Variants in TUT7 observed in about 807,000 individuals in gnomAD.
The protein encoded by TUT7 is terminal uridylyltransferase 7.
A neutral mutation model predicts 165.9 loss-of-function variants in TUT7; 33 were observed. The ratio of observed to expected loss-of-function variants is 0.20; its 90% CI spans 0.15 to 0.27. The LOEUF (loss-of-function observed/expected upper bound fraction) is 0.27, where lower values mean the gene tolerates loss of function less well. TUT7 is among the 10% of genes least tolerant of loss of function. TUT7 has a pLI of 1.00. For synonymous variants in TUT7, 552 were observed against 608.1 expected, an observed-to-expected ratio of 0.91 and a Z score of 1.36; for missense variants, 1,338 against 1,762.3, an observed-to-expected ratio of 0.76 and a Z score of 4.31.
chr9:86,344,880 G>T, intron 5 of TUT7, 97 bp downstream of exon 5: 1 of 1,180,116 alleles, frequency 8.5e-7, no homozygotes, highest in Middle Eastern at 2.7e-4. Context: ...TTCATGACAT[G>T]GTAAATAAAT....
chr9:86,293,539 TA>T (rs1159913303), intron 26 of TUT7, among the ~76,000 whole-genome samples: 4 of 152,038 alleles, frequency 2.6e-5, no homozygotes, highest in Admixed American at 6.6e-5. Context: ...CAAGCAGGTG[TA>T]AAATGAAAAA....
chr9:86,309,863 GT>G, intron 19 of TUT7, 64 bp downstream of exon 19: 1 of 1,427,126 alleles, frequency 7.0e-7, no homozygotes, highest in Admixed American at 1.8e-5. Flanking sequence ...ATAGATTTAT[GT>G]TTTCAACAGT....
chr9:86,325,457 C>T lies in TUT7; in HGVS notation c.1666G>A (p.Val556Met). Residue 556 changes from valine to methionine, a missense_variant, in exon 12 of 27, where the codon GTG becomes ATG. By Grantham distance (21) the Val-to-Met change is conservative (BLOSUM62 1). Transcript: ENST00000375963. ...AAAGCATAGAACCGCAGCAATTCCA[C>T]CCAGAGCTGCCCAACTGGTACTGAA... ...QPSVPVGQLW[V>M]ELLRFYALEF... The T allele has an allele frequency of 6.2e-7, 1 of 1,614,086 alleles. No individual in the cohort carries two copies. Among genetic ancestry groups the T allele is most frequent in the Non-Finnish European group, 8.5e-7 (1 of 1,179,990 alleles).
At chr9:86,293,362 G>A (rs1312341734) in intron 26 of TUT7, among the ~76,000 whole-genome samples, 2 of 152,098 alleles carry the variant, frequency 1.3e-5, no homozygotes, top group African/African-American at 4.8e-5. Flanking sequence ...TGAGATGGGA[G>A]GATCGCTTGA....
rs576459988 is a variant in TUT7 at position 86,309,156 on chromosome 9, G to A, written c.3660+56C>T. 852 of 1,068,796 alleles carry A rather than the reference G, an allele frequency of 8.0e-4. 4 individuals are homozygous for A. The highest frequency in any genetic ancestry group is 4.0e-3 in the Middle Eastern group (20 of 4,966). 66.2% of individuals were successfully genotyped at this position (1,068,796 alleles called of 1,614,324 possible). ...ATAGTTGTTGAACATCTACACTGTA[G>A]TATAGCTAATTTTTAGTCAAGGATA... On this transcript the variant is annotated intron_variant, in intron 21 of 26. Transcript: ENST00000375963.
At position 86,293,965 on chromosome 9, in the gene TUT7, G is replaced by A. The variant is rs149500585; in HGVS notation, c.4421-5221C>T. On this transcript the variant is annotated intron_variant, in intron 26 of 26. Coordinates refer to ENST00000375963, the MANE Select transcript of TUT7 (RefSeq NM_024617.4). The stretch of plus-strand genomic sequence containing the variant: ...TCACCATGTTGGCCAGGCTGGTCTC[G>A]GAACTCCCAACCTCAGGTGATCCAC... Among the ~76,000 whole-genome samples the A allele has an allele frequency of 1.4e-3, 220 of 152,202 alleles. 5 individuals carry two copies. The East Asian group carries it at 0.033, about 23-fold the overall frequency.
At chr9:86,299,027 C>T (rs12336587) in intron 26 of TUT7, among the ~76,000 whole-genome samples, 26 of 152,266 alleles carry the variant, frequency 1.7e-4, no homozygotes, top group African/African-American at 5.8e-4. Context: ...AGCCTCACCA[C>T]GCACCACACC....
At chr9:86,348,235 G>A (rs182730282) in intron 2 of TUT7, among the ~76,000 whole-genome samples, 2 of 152,316 alleles carry the variant, frequency 1.3e-5, no homozygotes, top group African/African-American at 4.8e-5. Context: ...ATACAGAAGT[G>A]GATGGCTGCA....
intron 10 of TUT7, among the ~76,000 whole-genome samples, chr9:86,332,140 A>G (rs1298336465): frequency 6.6e-6 from 1 of 152,134 alleles, no homozygotes; most frequent in Non-Finnish European, 1.5e-5. Context: ...ACTTTCCTCA[A>G]AGAGCTAAAA....
intron 11 of TUT7, 25 bp downstream of exon 11, chr9:86,328,315 C>T: frequency 6.5e-7 from 1 of 1,535,592 alleles, no homozygotes; most frequent in East Asian, 2.4e-5. Context: ...GTGAAACTGA[C>T]AACTAGAAAC....
intron 2 of TUT7, among the ~76,000 whole-genome samples, chr9:86,348,260 T>C (rs1002022400): frequency 6.6e-6 from 1 of 152,240 alleles, no homozygotes; most frequent in Non-Finnish European, 1.5e-5. Context: ...TTCTGTCAGA[T>C]AATGGCAGCT....
chr9:86,310,756 A>G lies in TUT7; in HGVS notation c.3328T>C (p.Phe1110Leu). ...ACTTCCAGACCACTTCTCAAATGGAAGAACTTCACAATTGGCACCTTTGCT... is the reference window on the plus strand; with the variant it reads ...ACTTCCAGACCACTTCTCAAATGGAGGAACTTCACAATTGGCACCTTTGCT... The part of the protein sequence containing the change: ...TTAKVPIVKF[F>L]HLRSGLEVDI... Residue 1110 changes from phenylalanine (F) to leucine (L), a missense_variant, in exon 18 of 27, where the codon TTC becomes CTC. Transcript: ENST00000375963. The G allele has an allele frequency of 1.2e-6, 2 of 1,613,600 alleles. No individual in the cohort carries two copies. The highest frequency in any genetic ancestry group is 1.7e-6 in the Non-Finnish European group (2 of 1,179,508).
intron 26 of TUT7, among the ~76,000 whole-genome samples, chr9:86,298,299 T>C (rs1826542989): frequency 6.6e-6 from 1 of 152,200 alleles, no homozygotes; most frequent in South Asian, 2.1e-4. Flanking sequence ...GAGGCTGGTG[T>C]CCTGAACTTG....
intron 17 of TUT7, among the ~76,000 whole-genome samples, chr9:86,316,433 TAAAA>T (rs1041221167): frequency 3.3e-5 from 5 of 152,008 alleles, no homozygotes; most frequent in Non-Finnish European, 7.4e-5. Flanking sequence ...TCCCATTTCT[TAAAA>T]AAAGAGATCG....
intron 6 of TUT7, among the ~76,000 whole-genome samples, chr9:86,341,587 C>G (rs995325628): frequency 6.6e-6 from 1 of 152,144 alleles, no homozygotes; most frequent in Non-Finnish European, 1.5e-5. Flanking sequence ...GCCTACCTAG[C>G]CATCCTAATC....
In TUT7 at chr9:86,288,388, TTCACTGAATAC is replaced by T. The variant is rs1825677743; in HGVS notation, c.*278_*288del. 4.9e-6 allele frequency: 1 copy of T among 202,976 alleles called. No individual in the cohort carries two copies. The highest frequency in any genetic ancestry group is 2.3e-5 in the African/African-American group (1 of 43,454). 12.6% of individuals were successfully genotyped at this position (202,976 alleles called of 1,614,324 possible). A position where few individuals can be genotyped will look rare whatever the true frequency, so the allele number is the denominator to read the frequency against. The stretch of plus-strand genomic sequence containing the variant: ...AAGAATTAAAAACCATGAAACTGTA[TTCACTGAATAC>T]CGGTCCATAGTTATATTTTTTCTTT... On this transcript the variant is annotated 3_prime_UTR_variant, in exon 27 of 27. Coordinates refer to ENST00000375963, the MANE Select transcript of TUT7 (RefSeq NM_024617.4).
In TUT7 at chr9:86,318,993, C is replaced by T. The variant is rs372797741; in HGVS notation, c.3181G>A (p.Val1061Ile). 4.0e-5 allele frequency: 65 copies of T among 1,613,874 alleles called. No individual in the cohort carries two copies. The highest frequency in any genetic ancestry group is 1.0e-4 in the Admixed American group (6 of 59,972). The change falls in exon 16 of 27, where the codon GTC (valine) becomes ATC (isoleucine). Residue 1061 changes from valine (V) to isoleucine (I), a missense_variant. Around this residue, in one of 7 missense-constraint regions of TUT7, gnomAD observed 157 missense variants for 357.5 expected, o/e 0.44. Coordinates refer to ENST00000375963, the MANE Select transcript of TUT7 (RefSeq NM_024617.4). ...GFGFKQSDLD[V>I]CMTINGLETA... ...TCAAGTCCATTAATTGTCATACAGA[C>T]GTCAAGGTCACTCTGTTTGAACCCA...
At chr9:86,290,621 T>G (rs1825824207) in intron 26 of TUT7, among the ~76,000 whole-genome samples, 1 of 149,092 alleles carries the variant, frequency 6.7e-6, no homozygotes, top group Non-Finnish European at 1.5e-5. Context: ...GCGGGCAGAC[T>G]GCCTGAGCTC....
intron 26 of TUT7, chr9:86,298,972 T>C (rs1422249278): frequency 2.7e-5 from 6 of 218,358 alleles, no homozygotes; most frequent in Non-Finnish European, 4.7e-5. Flanking sequence ...AGCAAGACCA[T>C]GGGCAGGAGT....
Sources: gnomAD v4.1 joint callset for allele counts (sites outside exome capture counted in the v4.1 genomes callset) on GRCh38, gnomAD v4.1.1 for gene constraint, gnomAD v4.1.1 regional missense constraint, MANE v1.5 for transcripts, NCBI Gene and HGNC (gene_info 2026-07-23, HGNC 2026-07-21) for gene names.